MSRB3: variants seen among roughly 807,000 people sequenced by gnomAD.
MSRB3 encodes the protein methionine sulfoxide reductase B3, also known as methionine-R-sulfoxide reductase B3.
In MSRB3, 13 loss-of-function variants were observed where a neutral mutation model predicts 21.0. The ratio of observed to expected loss-of-function variants is 0.62; its 90% CI spans 0.40 to 0.98. The LOEUF is 0.98. Among genes scored for constraint, MSRB3 ranks in the 50% least tolerant of loss-of-function variants. MSRB3 has a pLI of 0.00. For missense variants in MSRB3, 199 were observed against 230.3 expected, an observed-to-expected ratio of 0.86 and a Z score of 0.88; for synonymous variants, 87 against 88.6, an observed-to-expected ratio of 0.98 and a Z score of 0.10.
chr12:65,303,809 T>C (rs1592505260), intron 1 of MSRB3, among the ~76,000 whole-genome samples: 1 of 152,186 alleles, frequency 6.6e-6, no homozygotes, highest in Admixed American at 6.5e-5. Flanking sequence ...GGACTAGAAT[T>C]GGAGGCGTTA....
At chr12:65,332,232 A>G (rs1261496412) in intron 4 of MSRB3, among the ~76,000 whole-genome samples, 1 of 152,140 alleles carries the variant, frequency 6.6e-6, no homozygotes, top group Non-Finnish European at 1.5e-5. Flanking sequence ...TAATGTCACT[A>G]TCAGGGGCCC....
Position 65,453,783 on chromosome 12 carries a change from C to G in MSRB3, c.348C>G (p.Asp116Glu). The G allele has an allele frequency of 6.2e-7, 1 of 1,614,110 alleles. No homozygotes were observed. Among genetic ancestry groups the G allele is most frequent in the South Asian group, 1.1e-5 (1 of 91,084 alleles). The change falls in exon 6 of 7, where the codon GAC (aspartate) becomes GAG (glutamate). Residue 116 changes from aspartate (D) to glutamate (E), a missense_variant. Asp to Glu is a conservative substitution (Grantham distance 45). Coordinates refer to ENST00000308259, the MANE Select transcript of MSRB3 (RefSeq NM_001031679.3). Reference sequence around the variant, plus strand: ...CTGAGGCAATCACATTCACAGATGACTTTTCCTATGGGATGCACAGGGTGG... The same window carrying G: ...CTGAGGCAATCACATTCACAGATGAGTTTTCCTATGGGATGCACAGGGTGG... The part of the protein sequence containing the change: ...INSEAITFTD[D>E]FSYGMHRVET...
Position 65,457,991 on chromosome 12 carries a change from T to C in MSRB3, c.390+4166T>C, listed in dbSNP as rs559539186. Among the ~76,000 whole-genome samples the C allele has an allele frequency of 2.6e-5, 4 of 152,360 alleles. No individual in the cohort carries two copies. In the East Asian group the frequency reaches 7.7e-4, roughly 29 times the overall value. On this transcript the variant is annotated intron_variant, in intron 6 of 6. Coordinates refer to ENST00000308259, the MANE Select transcript of MSRB3 (RefSeq NM_001031679.3). ...TTCTCTGGACTGAGTTGCCTCAATA[T>C]GGTTTGTGTTATAAAAAATCTATTA...
chr12:65,415,958 A>G (rs1880950612), intron 5 of MSRB3, among the ~76,000 whole-genome samples: 1 of 152,256 alleles, frequency 6.6e-6, no homozygotes, highest in South Asian at 2.1e-4. Context: ...ATCAAAGTCC[A>G]GAGAGCAATG....
In MSRB3 at chr12:65,356,463, T is replaced by TA. The variant is rs577302915; in HGVS notation, c.264-12527dup. On this transcript the variant is annotated intron_variant, in intron 4 of 6. Coordinates refer to ENST00000308259, the MANE Select transcript of MSRB3 (RefSeq NM_001031679.3). ...TTTATACAATGTGAGGGGACTTTTT[T>TA]AAAAAAAATTTATTCCCATAGGTTA... Among the ~76,000 whole-genome samples the TA allele has an allele frequency of 3.4e-3, 522 of 151,820 alleles. 4 individuals carry two copies. Among genetic ancestry groups the TA allele is most frequent in the African/African-American group, 0.012 (490 of 41,462 alleles).
chr12:65,340,242 A>G (rs1876049447), intron 4 of MSRB3, among the ~76,000 whole-genome samples: 1 of 152,176 alleles, frequency 6.6e-6, no homozygotes, highest in Non-Finnish European at 1.5e-5. Flanking sequence ...ATTTAACAGC[A>G]TATTAGACAC....
At chr12:65,319,310 G>T (rs979436468) in intron 2 of MSRB3, among the ~76,000 whole-genome samples, 5 of 151,890 alleles carry the variant, frequency 3.3e-5, no homozygotes, top group African/African-American at 1.2e-4. Flanking sequence ...ATCAGGATAG[G>T]GTAATGACCA....
At chr12:65,362,776 A>AGGGAGGAGGAAGCATTT (rs1877785853) in intron 4 of MSRB3, among the ~76,000 whole-genome samples, 1 of 152,050 alleles carries the variant, frequency 6.6e-6, no homozygotes, top group South Asian at 2.1e-4. Flanking sequence ...AGAGTGGGGG[A>AGGGAGGAGGAAGCATTT]GGGAGGAGGA....
intron 4 of MSRB3, among the ~76,000 whole-genome samples, chr12:65,368,756 A>G (rs1315067375): frequency 6.6e-6 from 1 of 152,204 alleles, no homozygotes; most frequent in Admixed American, 6.5e-5. Context: ...ACCCAAAAAC[A>G]AATTTAAAAA....
chr12:65,404,210 G>A (rs1880288842), intron 5 of MSRB3, among the ~76,000 whole-genome samples: 1 of 152,144 alleles, frequency 6.6e-6, no homozygotes, highest in African/African-American at 2.4e-5. Flanking sequence ...CAAATAGCTG[G>A]GACTATAGGT....
At chr12:65,284,995 T>G (rs1872258348) in intron 1 of MSRB3, 2 of 152,176 alleles carry the variant, frequency 1.3e-5, no homozygotes. Flanking sequence ...GAACACACAT[T>G]GTGTCTCACA....
chr12:65,354,018 G>A (rs963516672), intron 4 of MSRB3, among the ~76,000 whole-genome samples: 3 of 151,976 alleles, frequency 2.0e-5, no homozygotes, highest in African/African-American at 7.2e-5. Flanking sequence ...ATTCTGGGTT[G>A]AAAATTCTTT....
intron 4 of MSRB3, among the ~76,000 whole-genome samples, chr12:65,346,998 T>C (rs1056037844): frequency 2.6e-5 from 4 of 152,164 alleles, no homozygotes; most frequent in Non-Finnish European, 5.9e-5. Context: ...CCTTGCAGTA[T>C]AGTTTGAAGT....
chr12:65,442,950 G>C (rs11175765), intron 5 of MSRB3, among the ~76,000 whole-genome samples: 2,095 of 152,134 alleles, frequency 0.014, 45 homozygotes, highest in African/African-American at 0.048. Context: ...TCCCTCTCCA[G>C]GTTTTTGGTT....
At chr12:65,422,326 G>A (rs1278026922) in intron 5 of MSRB3, among the ~76,000 whole-genome samples, 1 of 139,654 alleles carries the variant, frequency 7.2e-6, no homozygotes, top group Non-Finnish European at 1.6e-5. Context: ...AATCGAGGTA[G>A]AAAATTAACA....
chr12:65,283,261 A>G (rs2136382856), intron 1 of MSRB3, among the ~76,000 whole-genome samples: 1 of 152,262 alleles, frequency 6.6e-6, no homozygotes, highest in Admixed American at 6.5e-5. Flanking sequence ...GTCAGATGGT[A>G]GTTTGTGACA....
intron 5 of MSRB3, among the ~76,000 whole-genome samples, chr12:65,411,819 TA>T (rs1393170216): frequency 7.3e-5 from 11 of 149,674 alleles, no homozygotes; most frequent in Non-Finnish European, 1.5e-4. Context: ...CTTATGTTTT[TA>T]TATAGATTTA....
At chr12:65,383,856 G>T (rs541288956) in intron 5 of MSRB3, among the ~76,000 whole-genome samples, 57 of 151,846 alleles carry the variant, frequency 3.8e-4, no homozygotes, top group Admixed American at 1.3e-4. Flanking sequence ...ATGGGGTTTC[G>T]CCATGTTGGC....
intron 5 of MSRB3, among the ~76,000 whole-genome samples, chr12:65,383,255 G>T (rs1428670079): frequency 6.6e-6 from 1 of 152,112 alleles, no homozygotes; most frequent in Admixed American, 6.5e-5. Flanking sequence ...TTTGTGCATT[G>T]CCTTGAACAA....
Sources: allele counts gnomAD v4.1 joint callset (sites outside exome capture counted in the v4.1 genomes callset), GRCh38; gene constraint gnomAD v4.1.1; transcripts MANE v1.5; gene names NCBI Gene and HGNC (gene_info 2026-07-23, HGNC 2026-07-21).